The following PFKFB3 variants were observed in gnomAD, a reference collection of about 807,000 sequenced individuals.
PFKFB3 encodes the protein 6-phosphofructo-2-kinase/fructose-2,6-bisphosphatase 3.
A neutral mutation model predicts 68.0 loss-of-function variants in PFKFB3; 33 were observed. The observed-to-expected ratio is 0.49, with a 90% CI of 0.37 to 0.65. The LOEUF is 0.65. Ranked by LOEUF, PFKFB3 falls within the 30% of genes least tolerant of loss-of-function variation. The probability of loss-of-function intolerance (pLI) is 0.00; values close to 1 mark genes in which losing one functional copy is unlikely to be tolerated. For synonymous variants in PFKFB3, 315 were observed against 288.2 expected, an observed-to-expected ratio of 1.09 and a Z score of -0.94; for missense variants, 586 against 712.2, an observed-to-expected ratio of 0.82 and a Z score of 2.02.
At chr10:6,312,811 G>C in the PFKFB3 span, among the ~76,000 whole-genome samples, 1 of 152,202 alleles carries the variant, frequency 6.6e-6, no homozygotes, top group Non-Finnish European at 1.5e-5. Flanking sequence ...CTGGTTTCAA[G>C]AGCAAGCCGT....
intron 6 of PFKFB3, 42 bp downstream of exon 6, chr10:6,217,233 C>T: frequency 6.4e-7 from 1 of 1,552,380 alleles, no homozygotes; most frequent in East Asian, 2.2e-5. Context: ...GCAGCGTAGA[C>T]CACAAGGGCA....
the PFKFB3 span, among the ~76,000 whole-genome samples, chr10:6,289,720 G>GT: frequency 6.6e-6 from 1 of 151,632 alleles, no homozygotes; most frequent in East Asian, 1.9e-4. Context: ...CTTTGAAGTA[G>GT]TTTTTTCCAA....
chr10:6,302,412 TG>T, the PFKFB3 span, among the ~76,000 whole-genome samples: 1 of 125,440 alleles, frequency 8.0e-6, no homozygotes, highest in African/African-American at 3.0e-5. Flanking sequence ...GACGGAGTCT[TG>T]TTCTGTTGCC....
At chr10:6,165,737 A>AGTAAACTC (rs1292031973) in intron 1 of PFKFB3, among the ~76,000 whole-genome samples, 26 of 152,150 alleles carry the variant, frequency 1.7e-4, no homozygotes, top group Non-Finnish European at 2.9e-5. Flanking sequence ...TTGTTATATA[A>AGTAAACTC]GTAAACTCGT....
chr10:6,272,821 C>T, the PFKFB3 span, among the ~76,000 whole-genome samples: 3 of 152,128 alleles, frequency 2.0e-5, no homozygotes, highest in Non-Finnish European at 2.9e-5. Flanking sequence ...GATTTCATTT[C>T]AGGTCTCTTG....
At chr10:6,176,523 C>A (rs1285102699) in intron 1 of PFKFB3, among the ~76,000 whole-genome samples, 1 of 152,146 alleles carries the variant, frequency 6.6e-6, no homozygotes, top group African/African-American at 2.4e-5. Flanking sequence ...CCACCCACCT[C>A]AGCCTCCTAG....
At chr10:6,183,614 A>AAATATATATATATAT (rs1242752213) in intron 1 of PFKFB3, among the ~76,000 whole-genome samples, 42 of 93,940 alleles carry the variant, frequency 4.5e-4, no homozygotes, top group African/African-American at 1.3e-3. Context: ...AAAAAAAAAA[A>AAATATATATATATAT]ATATATATAT....
At chr10:6,273,482 C>T in the PFKFB3 span, among the ~76,000 whole-genome samples, 8 of 152,076 alleles carry the variant, frequency 5.3e-5, no homozygotes, top group Admixed American at 2.6e-4. Context: ...AGGGGGCTGT[C>T]GGGAAACCTG....
the PFKFB3 span, chr10:6,294,009 C>A: frequency 1.9e-6 from 1 of 526,550 alleles, no homozygotes; most frequent in South Asian, 1.4e-5. Flanking sequence ...AATTTCTGCT[C>A]TACAAATTCC....
chr10:6,276,414 A>G, the PFKFB3 span, among the ~76,000 whole-genome samples: 1 of 151,992 alleles, frequency 6.6e-6, no homozygotes, highest in Non-Finnish European at 1.5e-5. Flanking sequence ...AAATCCCAAG[A>G]AACAAACCAA....
intron 14 of PFKFB3, among the ~76,000 whole-genome samples, chr10:6,247,733 G>A (rs767434462): frequency 1.1e-4 from 16 of 152,240 alleles, no homozygotes; most frequent in Non-Finnish European, 2.2e-4. Flanking sequence ...ACCCTTCCTC[G>A]TCTTGACAGG....
chr10:6,167,494 C>G (rs1457184683), intron 1 of PFKFB3, among the ~76,000 whole-genome samples: 1 of 152,220 alleles, frequency 6.6e-6, no homozygotes, highest in Non-Finnish European at 1.5e-5. Context: ...ATTAAATTGT[C>G]ACATTTTAAC....
At chr10:6,263,071 G>C in the PFKFB3 span, among the ~76,000 whole-genome samples, 11 of 152,210 alleles carry the variant, frequency 7.2e-5, no homozygotes, top group Non-Finnish European at 1.5e-4. Flanking sequence ...TGGGAAATTA[G>C]GGGTCTCATA....
At chr10:6,302,360 C>T in the PFKFB3 span, among the ~76,000 whole-genome samples, 1 of 105,240 alleles carries the variant, frequency 9.5e-6, no homozygotes. Context: ...CGTGCCTGGC[C>T]AGTTTTTTTT....
intron 12 of PFKFB3, 52 bp from the exon 13 acceptor site, chr10:6,224,097 G>C: frequency 6.2e-7 from 1 of 1,612,188 alleles, no homozygotes; most frequent in Admixed American, 1.7e-5. Context: ...GGCTGTAAGC[G>C]GTGCTGTCCC....
At chr10:6,184,482 T>C (rs1487586515) in intron 1 of PFKFB3, among the ~76,000 whole-genome samples, 3 of 152,052 alleles carry the variant, frequency 2.0e-5, no homozygotes, top group African/African-American at 7.2e-5. Context: ...TTATTTTGTA[T>C]TTTTTGAGAT....
downstream of PFKFB3, among the ~76,000 whole-genome samples, chr10:6,259,582 T>TCCATC (rs1564239571): frequency 3.5e-4 from 47 of 134,970 alleles, no homozygotes; most frequent in African/African-American, 1.2e-3. Flanking sequence ...ATCCATCCAC[T>TCCATC]CATCCATCCA....
intron 1 of PFKFB3, among the ~76,000 whole-genome samples, chr10:6,204,466 G>C (rs574571470): frequency 6.6e-6 from 1 of 152,230 alleles, no homozygotes; most frequent in Non-Finnish European, 1.5e-5. Context: ...CTCTCCTGGA[G>C]CCCTGCTCGG....
At position 6,159,801 on chromosome 10, in the gene PFKFB3, G is replaced by A. The variant is rs555288801; in HGVS notation, c.16+14788G>A. ...TATTTACTTATTGAAACAGGGTCTC[G>A]GATTGTCACCTAGGCTGGAGTGCAG... On this transcript the variant is annotated intron_variant, in intron 1 of 14. Transcript: ENST00000379789. Among the ~76,000 whole-genome samples, 5 of 151,964 alleles carry A rather than the reference G, an allele frequency of 3.3e-5. No individual in the cohort carries two copies. In the East Asian group the frequency reaches 7.7e-4, roughly 24 times the overall value.
Sources: allele counts gnomAD v4.1 joint callset (sites outside exome capture counted in the v4.1 genomes callset), GRCh38; gene constraint gnomAD v4.1.1; transcripts MANE v1.5; gene names NCBI Gene and HGNC (gene_info 2026-07-23, HGNC 2026-07-21).